VEPH1: variants seen among roughly 807,000 people sequenced by gnomAD.
VEPH1 encodes ventricular zone-expressed PH domain-containing protein homolog 1.
Under a neutral mutation model 85.2 loss-of-function variants are expected in VEPH1, and 80 were observed. The observed-to-expected ratio is 0.94, with a 90% CI of 0.78 to 1.13. The LOEUF (loss-of-function observed/expected upper bound fraction) is 1.13, where lower values mean the gene tolerates loss of function less well. Among genes scored for constraint, VEPH1 ranks in the 50% most tolerant of loss-of-function variants. The pLI, the probability that VEPH1 is intolerant of heterozygous loss-of-function variation, is 0.00. For missense variants in VEPH1, 955 were observed against 980.5 expected (o/e 0.97, Z 0.35); for synonymous variants, 297 against 348.0 (o/e 0.85, Z 1.63).
In VEPH1 at chr3:157,286,404, C is replaced by T. The variant is rs144358664; in HGVS notation, c.2128+153G>A. The T allele has an allele frequency of 9.4e-4, 644 of 682,776 alleles. 3 individuals are homozygous for T. The African/African-American group carries it at 0.01, about 11-fold the overall frequency. 42.3% of individuals were successfully genotyped at this position (682,776 alleles called of 1,614,324 possible). ...TTTTCCTACGACCACTTTGGTGAGA[C>T]GCCTTTCTCAGCACAAAGCAGGGAC... On this transcript the variant is annotated intron_variant, in intron 12 of 13. Transcript: ENST00000362010.
intron 9 of VEPH1, among the ~76,000 whole-genome samples, chr3:157,327,816 A>C (rs569752723): frequency 6.6e-6 from 1 of 152,322 alleles, no homozygotes; most frequent in Non-Finnish European, 1.5e-5. Flanking sequence ...CGACTTGCCC[A>C]TTAACCTATT....
intron 1 of VEPH1, among the ~76,000 whole-genome samples, chr3:157,497,789 T>G (rs1739783550): frequency 6.6e-6 from 1 of 152,202 alleles, no homozygotes; most frequent in Admixed American, 6.5e-5. Flanking sequence ...ACTTCAGCTC[T>G]TACTCTTGAG....
intron 12 of VEPH1, chr3:157,286,338 A>G (rs1276728400): frequency 5.4e-6 from 3 of 558,280 alleles, no homozygotes; most frequent in Non-Finnish European, 9.8e-6. Flanking sequence ...ATAACCACAT[A>G]TAGGTAAGGG....
chr3:157,392,038 G>A (rs1214119395), intron 6 of VEPH1, among the ~76,000 whole-genome samples: 3 of 152,186 alleles, frequency 2.0e-5, no homozygotes, highest in African/African-American at 7.2e-5. Context: ...AGCTGTAAGA[G>A]AATTTGTTAA....
intron 1 of VEPH1, among the ~76,000 whole-genome samples, chr3:157,498,848 T>C (rs998610775): frequency 1.3e-5 from 2 of 152,262 alleles, no homozygotes; most frequent in Non-Finnish European, 2.9e-5. Flanking sequence ...ATGAATGTCA[T>C]AGTCCTGTGG....
chr3:157,355,164 G>A lies in VEPH1; in HGVS notation c.1735+8200C>T, dbSNP rs937668891. On this transcript the variant is annotated intron_variant, in intron 9 of 13. Coordinates refer to ENST00000362010, the MANE Select transcript of VEPH1 (RefSeq NM_001167912.2). ...GATTAGGGCAGATTCCATGTGATAG[G>A]TTCTGACAGAACCGTGTTCCTTTTC... is the stretch of plus-strand genomic sequence containing the variant. 2.6e-5 allele frequency among the ~76,000 whole-genome samples: 4 copies of A among 152,162 alleles called. No individual in the cohort carries two copies. The South Asian group carries it at 6.2e-4, about 24-fold the overall frequency.
intron 11 of VEPH1, among the ~76,000 whole-genome samples, chr3:157,308,779 G>A (rs368446602): frequency 2.6e-5 from 4 of 152,148 alleles, no homozygotes; most frequent in African/African-American, 9.6e-5. Flanking sequence ...TCATTCAAGT[G>A]TATTTCTCTC....
At chr3:157,334,538 A>G (rs1173886117) in intron 9 of VEPH1, among the ~76,000 whole-genome samples, 2 of 152,224 alleles carry the variant, frequency 1.3e-5, no homozygotes, top group African/African-American at 4.8e-5. Flanking sequence ...GTTATCCTGC[A>G]CTGGGGAAAT....
At chr3:157,331,690 T>C (rs1722522988) in intron 9 of VEPH1, among the ~76,000 whole-genome samples, 2 of 152,210 alleles carry the variant, frequency 1.3e-5, no homozygotes, top group Admixed American at 1.3e-4. Flanking sequence ...TCATGGTTTG[T>C]GTATGTTCAA....
chr3:157,426,932 C>T (rs1411990912), intron 5 of VEPH1, among the ~76,000 whole-genome samples: 1 of 151,022 alleles, frequency 6.6e-6, no homozygotes, highest in Non-Finnish European at 1.5e-5. Flanking sequence ...CTCAGCCTCC[C>T]AAGTAGATGG....
intron 5 of VEPH1, among the ~76,000 whole-genome samples, chr3:157,416,941 GGAAA>G (rs1731966438): frequency 6.6e-6 from 1 of 151,840 alleles, no homozygotes; most frequent in Admixed American, 6.6e-5. Context: ...AGAGAGAAAA[GGAAA>G]GAAAGAAGCT....
chr3:157,267,998 C>A (rs947632980), intron 12 of VEPH1, among the ~76,000 whole-genome samples: 1 of 152,146 alleles, frequency 6.6e-6, no homozygotes, highest in African/African-American at 2.4e-5. Context: ...GAGGCTACTA[C>A]TGAGCATAGC....
Position 157,495,103 on chromosome 3 carries a change from G to A in VEPH1, c.138+109C>T, listed in dbSNP as rs867221673. The A allele has an allele frequency of 5.2e-5, 57 of 1,106,504 alleles. No homozygotes were observed. The South Asian group carries it at 9.0e-4, about 17-fold the overall frequency. 68.5% of individuals were successfully genotyped at this position (1,106,504 alleles called of 1,614,324 possible). On this transcript the variant is annotated intron_variant, in intron 2 of 13. Transcript: ENST00000362010. ...AGCAGATTAAGAGAGACCAATATTA[G>A]TGGTATTTCCTCTTTCCCCTGCAAA...
intron 13 of VEPH1, among the ~76,000 whole-genome samples, chr3:157,261,960 T>C (rs1290324112): frequency 6.6e-6 from 1 of 152,188 alleles, no homozygotes. Flanking sequence ...GTCATCACAC[T>C]GGGCTAAGAT....
chr3:157,270,681 A>G (rs554281958), intron 12 of VEPH1, among the ~76,000 whole-genome samples: 111 of 152,302 alleles, frequency 7.3e-4, no homozygotes, highest in African/African-American at 2.6e-3. Flanking sequence ...CTGCTCATTT[A>G]TCAATCATCC....
At chr3:157,503,443 A>G (rs1185739523), upstream of VEPH1, 1 of 152,196 alleles carries the variant, frequency 6.6e-6, no homozygotes, top group Non-Finnish European at 1.5e-5. Flanking sequence ...AGCCAGTGGT[A>G]CATTTCATTC....
chr3:157,385,911 T>C (rs1357920728), intron 6 of VEPH1, among the ~76,000 whole-genome samples: 1 of 152,192 alleles, frequency 6.6e-6, no homozygotes, highest in African/African-American at 2.4e-5. Flanking sequence ...TGGAAAAATA[T>C]GGGTTTACTG....
At chr3:157,437,987 C>A in intron 4 of VEPH1, 4 of 1,484,566 alleles carry the variant, frequency 2.7e-6, no homozygotes, top group South Asian at 2.5e-5. Context: ...GCAAGCCAAG[C>A]CAGGCAACCT....
intron 10 of VEPH1, 27 bp from the exon 11 acceptor site, chr3:157,313,782 G>A: frequency 6.2e-7 from 1 of 1,613,476 alleles, no homozygotes; most frequent in Non-Finnish European, 8.5e-7. Flanking sequence ...GACAGAAACA[G>A]AATATACTAT....
Sources: gnomAD v4.1 joint callset for allele counts (sites outside exome capture counted in the v4.1 genomes callset) on GRCh38, gnomAD v4.1.1 for gene constraint, MANE v1.5 for transcripts, NCBI Gene and HGNC (gene_info 2026-07-23, HGNC 2026-07-21) for gene names.